The following AKAP6 variants were observed in gnomAD, a reference collection of about 807,000 sequenced individuals.
The protein encoded by AKAP6 is A-kinase anchor protein 6.
In AKAP6, 58 loss-of-function variants were observed where a neutral mutation model predicts 188.5. The observed-to-expected ratio is 0.31, with a 90% CI of 0.25 to 0.38. The LOEUF (loss-of-function observed/expected upper bound fraction) is 0.38, where lower values mean the gene tolerates loss of function less well. AKAP6 is among the 10% of genes least tolerant of loss of function. The probability of loss-of-function intolerance (pLI) is 1.00; values close to 1 mark genes in which losing one functional copy is unlikely to be tolerated. For missense variants in AKAP6, 2,710 were observed against 2,740.0 expected, an observed-to-expected ratio of 0.99 and a Z score of 0.24; for synonymous variants, 989 against 998.6, an observed-to-expected ratio of 0.99 and a Z score of 0.18.
At chr14:32,642,939 G>A (rs1887821686) in intron 7 of AKAP6, among the ~76,000 whole-genome samples, 1 of 152,010 alleles carries the variant, frequency 6.6e-6, no homozygotes, top group Non-Finnish European at 1.5e-5. Context: ...AAGGAAATTG[G>A]CAATACAATT....
At position 32,545,398 on chromosome 14, in the gene AKAP6, A is replaced by C; in HGVS notation, c.745A>C (p.Lys249Gln). The C allele has an allele frequency of 6.2e-7, 1 of 1,614,234 alleles. No individual in the cohort carries two copies. The highest frequency in any genetic ancestry group is 8.5e-7 in the Non-Finnish European group (1 of 1,180,022). ...GLGDMTSSQV[K>Q]TKPFDSWSYS... ...AGGTGACATGACCTCTAGCCAAGTCAAAACCAAACCCTTTGACTCTTGGAG... is the reference window on the plus strand; with the variant it reads ...AGGTGACATGACCTCTAGCCAAGTCCAAACCAAACCCTTTGACTCTTGGAG... Residue 249 changes from lysine to glutamine, a missense_variant, in exon 4 of 14, where the codon AAA (lysine) becomes CAA (glutamine). By Grantham distance (53) the Lys-to-Gln change is moderately conservative. Coordinates refer to ENST00000280979, the MANE Select transcript of AKAP6 (RefSeq NM_004274.5).
At chr14:32,618,069 A>C (rs1566607558) in intron 7 of AKAP6, among the ~76,000 whole-genome samples, 1 of 152,272 alleles carries the variant, frequency 6.6e-6, no homozygotes. Flanking sequence ...AATAAAACAC[A>C]GGGAAAGCTA....
At chr14:32,347,878 G>C (rs1887117829) in intron 1 of AKAP6, among the ~76,000 whole-genome samples, 1 of 152,222 alleles carries the variant, frequency 6.6e-6, no homozygotes, top group South Asian at 2.1e-4. Context: ...CCTGAGGGGA[G>C]GAAAGACAGT....
At position 32,832,646 on chromosome 14, in the gene AKAP6, C is replaced by T. The variant is rs1045812940; in HGVS notation, c.*2841C>T. 4 of 152,204 alleles carry T rather than the reference C, an allele frequency of 2.6e-5. No homozygotes were observed. The highest frequency in any genetic ancestry group is 9.7e-5 in the African/African-American group (4 of 41,442). 9.4% of individuals were successfully genotyped at this position (152,204 alleles called of 1,614,324 possible). On this transcript the variant is annotated 3_prime_UTR_variant, in exon 14 of 14. Coordinates refer to ENST00000280979, the MANE Select transcript of AKAP6 (RefSeq NM_004274.5). ...GCCTACACACTTCCAGTGATAGTGG[C>T]TCATTGTCTGTTAAGGCAAACTGTT... is the stretch of plus-strand genomic sequence containing the variant.
chr14:32,691,386 A>C (rs1166758407), intron 8 of AKAP6, among the ~76,000 whole-genome samples: 1 of 152,118 alleles, frequency 6.6e-6, no homozygotes, highest in Non-Finnish European at 1.5e-5. Context: ...CCTGGAGCAC[A>C]TTGTCTTTTA....
At chr14:32,532,130 A>G (rs1032860468) in intron 2 of AKAP6, among the ~76,000 whole-genome samples, 3 of 152,206 alleles carry the variant, frequency 2.0e-5, no homozygotes, top group Non-Finnish European at 2.9e-5. Context: ...CAGTTGTTCT[A>G]GAAGTCCTTA....
chr14:32,689,572 AAATTAGTGTCCACACTTTC>A (rs1292232632), intron 8 of AKAP6, among the ~76,000 whole-genome samples: 5 of 152,164 alleles, frequency 3.3e-5, no homozygotes, highest in African/African-American at 9.7e-5. Flanking sequence ...TCAAAATAGT[AAATTAGTGTCCACACTTTC>A]ATATGTTTAG....
intron 1 of AKAP6, among the ~76,000 whole-genome samples, chr14:32,428,436 AG>A (rs1177823516): frequency 6.6e-6 from 1 of 152,116 alleles, no homozygotes; most frequent in African/African-American, 2.4e-5. Flanking sequence ...TACTGGCACC[AG>A]TGTCCTGCCA....
chr14:32,358,099 A>C (rs1197898567), intron 1 of AKAP6, among the ~76,000 whole-genome samples: 1 of 152,248 alleles, frequency 6.6e-6, no homozygotes, highest in Non-Finnish European at 1.5e-5. Context: ...AAAGAGCACC[A>C]TCTTTAGGTT....
In AKAP6 at chr14:32,599,405, T is replaced by C; in HGVS notation, c.2470-5T>C. 1 of 1,609,306 alleles carries C rather than the reference T, an allele frequency of 6.2e-7. No homozygotes were observed. The highest frequency in any genetic ancestry group is 8.5e-7 in the Non-Finnish European group (1 of 1,177,496). On this transcript the variant is annotated splice_region_variant and splice_polypyrimidine_tract_variant and intron_variant, in intron 5 of 13. Transcript: ENST00000280979. Reference sequence around the variant, plus strand: ...AGGGTTTAATGTTCATATTTTTCCTTGCAGAGTTTTAAGTTGAATGTAGAC... The same window carrying C: ...AGGGTTTAATGTTCATATTTTTCCTCGCAGAGTTTTAAGTTGAATGTAGAC...
intron 4 of AKAP6, among the ~76,000 whole-genome samples, chr14:32,552,169 C>G (rs1883504505): frequency 6.6e-6 from 1 of 152,172 alleles, no homozygotes; most frequent in Non-Finnish European, 1.5e-5. Context: ...CATTTTAGAA[C>G]AGAGGAAACT....
Position 32,757,285 on chromosome 14 carries a change from G to A in AKAP6, c.3373-16393G>A, listed in dbSNP as rs116910595. On this transcript the variant is annotated intron_variant, in intron 11 of 13. Coordinates refer to ENST00000280979, the MANE Select transcript of AKAP6 (RefSeq NM_004274.5). ...TGTTCAAATTGATGTGTCTGTTTAG[G>A]GGATGAGCACTGGAAAGTCCTATTT... is the stretch of plus-strand genomic sequence containing the variant. Among the ~76,000 whole-genome samples the A allele has an allele frequency of 5.8e-4, 89 of 152,238 alleles. No individual in the cohort carries two copies. In the East Asian group the frequency reaches 0.014, roughly 24 times the overall value.
chr14:32,650,796 A>G (rs1237219923), intron 7 of AKAP6, among the ~76,000 whole-genome samples: 1 of 152,174 alleles, frequency 6.6e-6, no homozygotes, highest in Non-Finnish European at 1.5e-5. Context: ...GACTATGCAT[A>G]GATTTTTAAT....
At chr14:32,516,705 C>T (rs74565335) in intron 2 of AKAP6, among the ~76,000 whole-genome samples, 2,773 of 152,016 alleles carry the variant, frequency 0.018, 92 homozygotes, top group African/African-American at 0.063. Context: ...AGGTAAAAAC[C>T]CTGTATTCCT....
Position 32,364,697 on chromosome 14 carries a change from A to G in AKAP6, c.-35+35289A>G, listed in dbSNP as rs147355631. ...AGATATTTCAAGGAAAGGAGATATG[A>G]TTTTTACTCCAAAGAAAAATCTTGA... On this transcript the variant is annotated intron_variant, in intron 1 of 13. Coordinates refer to ENST00000280979, the MANE Select transcript of AKAP6 (RefSeq NM_004274.5). Among the ~76,000 whole-genome samples, 142 of 152,128 alleles carry G rather than the reference A, an allele frequency of 9.3e-4. 3 individuals are homozygous for G. The East Asian group carries it at 0.026, about 27-fold the overall frequency.
At chr14:32,435,294 G>T (rs1355681064) in intron 2 of AKAP6, among the ~76,000 whole-genome samples, 1 of 151,960 alleles carries the variant, frequency 6.6e-6, no homozygotes, top group Non-Finnish European at 1.5e-5. Flanking sequence ...GAAAAGGTGG[G>T]GACAATAAAG....
At chr14:32,525,167 G>T (rs1381511305) in intron 2 of AKAP6, among the ~76,000 whole-genome samples, 1 of 152,146 alleles carries the variant, frequency 6.6e-6, no homozygotes. Flanking sequence ...AATACTGAAT[G>T]CAAGAATGAC....
chr14:32,410,446 T>C (rs1293089522), intron 1 of AKAP6, among the ~76,000 whole-genome samples: 1 of 152,160 alleles, frequency 6.6e-6, no homozygotes, highest in Non-Finnish European at 1.5e-5. Flanking sequence ...AATGTACATC[T>C]TAAATGTATT....
intron 1 of AKAP6, among the ~76,000 whole-genome samples, chr14:32,392,494 G>A (rs894307696): frequency 1.3e-5 from 2 of 152,124 alleles, no homozygotes; most frequent in African/African-American, 4.8e-5. Flanking sequence ...ATATTTTCCA[G>A]TTCTGTCCAC....
Sources: gnomAD v4.1 joint callset for allele counts (sites outside exome capture counted in the v4.1 genomes callset) on GRCh38, gnomAD v4.1.1 for gene constraint, MANE v1.5 for transcripts, NCBI Gene and HGNC (gene_info 2026-07-23, HGNC 2026-07-21) for gene names.